ANAPC11: variants seen among roughly 807,000 people sequenced by gnomAD.
The protein encoded by ANAPC11 is anaphase promoting complex subunit 11, also known as anaphase-promoting complex subunit 11.
In ANAPC11, 5 loss-of-function variants were observed where a neutral mutation model predicts 11.8. The ratio of observed to expected loss-of-function variants is 0.42; its 90% CI spans 0.22 to 0.89. The LOEUF (loss-of-function observed/expected upper bound fraction) is 0.89, where lower values mean the gene tolerates loss of function less well. Among genes scored for constraint, ANAPC11 ranks in the 40% least tolerant of loss-of-function variants. ANAPC11 has a pLI of 0.28. For synonymous variants in ANAPC11, 45 were observed against 41.0 expected, an observed-to-expected ratio of 1.10 and a Z score of -0.38; for missense variants, 68 against 112.9, an observed-to-expected ratio of 0.60 and a Z score of 1.80.
intron 2 of ANAPC11, among the ~76,000 whole-genome samples, chr17:81,893,850 G>T (rs1240841607): frequency 6.7e-6 from 1 of 150,296 alleles, no homozygotes; most frequent in African/African-American, 2.5e-5. Context: ...TCCCGAGTTG[G>T]CCTCCCAGAG....
chr17:81,892,155 C>T (rs1312758972), intron 1 of ANAPC11: 3 of 152,874 alleles, frequency 2.0e-5, no homozygotes, highest in Non-Finnish European at 4.4e-5. Context: ...TGCACTGTCA[C>T]ATTTTGCCAG....
Position 81,899,948 on chromosome 17 carries a change from G to C in ANAPC11, c.138G>C (p.Leu46=), listed in dbSNP as rs539064554. 6 of 1,611,148 alleles carry C rather than the reference G, an allele frequency of 3.7e-6. No homozygotes were observed. In the South Asian group the frequency reaches 5.5e-5, roughly 15 times the overall value. ...AGGTGCCCGGCGACGACTGCCCGCT[G>C]GTGTGGGGCCAGTGCTCCCACTGCT... is the stretch of plus-strand genomic sequence containing the variant. ...DCKVPGDDCP[L]VWGQCSHCFH... The change falls in exon 4 of 4, where the codon CTG becomes CTC. Residue 46 remains leucine, a synonymous_variant. Coordinates refer to ENST00000344877, the MANE Select transcript of ANAPC11 (RefSeq NM_001002248.3).
upstream of ANAPC11, chr17:81,891,092 G>A (rs1598292740): frequency 3.0e-6 from 2 of 674,288 alleles, no homozygotes; most frequent in East Asian, 3.1e-5. Flanking sequence ...CCCAACGTCC[G>A]GAACAAACAA....
In ANAPC11 at chr17:81,899,165, G is replaced by C. The variant is rs1049795862; in HGVS notation, c.110-755G>C. 19 of 1,444,590 alleles carry C rather than the reference G, an allele frequency of 1.3e-5. 1 individual carries two copies. The South Asian group carries it at 2.4e-4, about 19-fold the overall frequency. 89.5% of individuals were successfully genotyped at this position (1,444,590 alleles called of 1,614,324 possible). ...CTGTTGGCAGCAGCTGTTCCTCAGGGGTTTCCAGGCTCTTGGAGATCAGGG... is the reference window on the plus strand; with the variant it reads ...CTGTTGGCAGCAGCTGTTCCTCAGGCGTTTCCAGGCTCTTGGAGATCAGGG... On this transcript the variant is annotated intron_variant, in intron 3 of 3. Coordinates refer to ENST00000344877, the MANE Select transcript of ANAPC11 (RefSeq NM_001002248.3).
intron 3 of ANAPC11, chr17:81,898,885 A>G (rs928694511): frequency 6.5e-6 from 2 of 308,560 alleles, no homozygotes; most frequent in African/African-American, 2.1e-5. Context: ...TGACTAAACG[A>G]GGCCTCCCCC....
chr17:81,895,572 A>C (rs950470635), intron 3 of ANAPC11, among the ~76,000 whole-genome samples: 3 of 152,108 alleles, frequency 2.0e-5, no homozygotes, highest in African/African-American at 7.2e-5. Flanking sequence ...GCACTGTGGG[A>C]GGCCGAGGCG....
At position 81,900,158 on chromosome 17, in the gene ANAPC11, C is replaced by G; in HGVS notation, c.*93C>G. 6.4e-7 allele frequency: 1 copy of G among 1,557,084 alleles called. No homozygotes were observed. Among genetic ancestry groups the G allele is most frequent in the South Asian group, 1.2e-5 (1 of 85,570 alleles). On this transcript the variant is annotated 3_prime_UTR_variant, in exon 4 of 4. Transcript: ENST00000344877. ...TGGGGACAGCGCCCCTGAGCTGCAA[C>G]AAGGTGGAAACAAGGGCTGGAGCTG...
intron 3 of ANAPC11, chr17:81,898,933 GC>G (rs936125099): frequency 1.6e-5 from 7 of 430,206 alleles, no homozygotes; most frequent in African/African-American, 1.2e-4. Context: ...TCCTCAGGGG[GC>G]TAGCAGGCTT....
At chr17:81,894,693 A>G in intron 3 of ANAPC11, 107 bp downstream of exon 3, 2 of 532,044 alleles carry the variant, frequency 3.8e-6, no homozygotes, top group Middle Eastern at 3.1e-4. Context: ...AAATACCTGC[A>G]CGAAATACCC....
chr17:81,891,055 G>A, upstream of ANAPC11: 1 of 699,964 alleles, frequency 1.4e-6, no homozygotes, highest in Non-Finnish European at 2.3e-6. Flanking sequence ...GCCGCGCCCA[G>A]CGTCCCCTCC....
At position 81,893,793 on chromosome 17, in the gene ANAPC11, C is replaced by G. The variant is rs1440272467; in HGVS notation, c.-12+179C>G. 8.3e-5 allele frequency among the ~76,000 whole-genome samples: 11 copies of G among 131,764 alleles called. No homozygotes were observed. The East Asian group carries it at 2.5e-3, about 30-fold the overall frequency. The allele number at this position is 131,764 out of a possible 152,430, so 86.4% of individuals were successfully genotyped here. On this transcript the variant is annotated intron_variant, in intron 2 of 3. Transcript: ENST00000344877. ...TTTTTTTTTGGTAGAGACTCAGTCTCACTGTGTTACACAGGCTGGTCTCAA... is the reference window on the plus strand; with the variant it reads ...TTTTTTTTTGGTAGAGACTCAGTCTGACTGTGTTACACAGGCTGGTCTCAA...
At chr17:81,898,511 T>C (rs2039817111) in intron 3 of ANAPC11, 1 of 152,262 alleles carries the variant, frequency 6.6e-6, no homozygotes, top group African/African-American at 2.4e-5. Flanking sequence ...TTTTTGGACC[T>C]GCTGATGGTT....
rs967205113 is a variant in ANAPC11 at position 81,899,299 on chromosome 17, C to T, written c.110-621C>T. ...TTGGGCTGGTGCCCGCAGCCTGTGC[C>T]TGTCCTGGGAGGCAGGGCCCATCCA... On this transcript the variant is annotated intron_variant, in intron 3 of 3. Coordinates refer to ENST00000344877, the MANE Select transcript of ANAPC11 (RefSeq NM_001002248.3). 2.5e-6 allele frequency: 4 copies of T among 1,613,238 alleles called. No individual in the cohort carries two copies. The African/African-American group carries it at 5.3e-5, about 22-fold the overall frequency.
chr17:81,900,322 A>C, downstream of ANAPC11: 9 of 512,900 alleles, frequency 1.8e-5, no homozygotes, highest in Admixed American at 3.8e-5. Flanking sequence ...TGATATGAAA[A>C]CTCTCATGAA....
intron 3 of ANAPC11, chr17:81,899,386 G>A (rs764245237): frequency 6.2e-7 from 1 of 1,613,908 alleles, no homozygotes; most frequent in Non-Finnish European, 8.5e-7. Context: ...CTGATGTCTA[G>A]GGAAGAGTCT....
chr17:81,891,592 C>T, upstream of ANAPC11: 2 of 1,406,930 alleles, frequency 1.4e-6, no homozygotes, highest in Non-Finnish European at 1.9e-6. Flanking sequence ...GGCTCGAGCC[C>T]GCGCGTCAGC....
Position 81,894,475 on chromosome 17 carries a change from G to T in ANAPC11, c.-3G>T, listed in dbSNP as rs759106937. 1.2e-6 allele frequency: 2 copies of T among 1,608,238 alleles called. No individual in the cohort carries two copies. Among genetic ancestry groups the T allele is most frequent in the Non-Finnish European group, 1.7e-6 (2 of 1,175,506 alleles). On this transcript the variant is annotated 5_prime_UTR_variant, in exon 3 of 4. Coordinates refer to ENST00000344877, the MANE Select transcript of ANAPC11 (RefSeq NM_001002248.3). ...TGTTCCCTCCGCCGCAGGCTCTGCTGCCATGAAGGTGAAGATTAAGTGCTG... is the reference window on the plus strand; with the variant it reads ...TGTTCCCTCCGCCGCAGGCTCTGCTTCCATGAAGGTGAAGATTAAGTGCTG...
chr17:81,900,199 C>A lies in ANAPC11; in HGVS notation c.*134C>A. On this transcript the variant is annotated 3_prime_UTR_variant, in exon 4 of 4. Coordinates refer to ENST00000344877, the MANE Select transcript of ANAPC11 (RefSeq NM_001002248.3). The stretch of plus-strand genomic sequence containing the variant: ...GCTGGAGCTGCGTTTGTTTTGCCAT[C>A]ACTATGTTGACACTTTTATCCAATA... 7.3e-7 allele frequency: 1 copy of A among 1,376,584 alleles called. No individual in the cohort carries two copies. The highest frequency in any genetic ancestry group is 9.9e-7 in the Non-Finnish European group (1 of 1,012,304). The allele number at this position is 1,376,584 out of a possible 1,614,324, so 85.3% of individuals were successfully genotyped here.
chr17:81,900,282 T>C, downstream of ANAPC11: 3 of 661,082 alleles, frequency 4.5e-6, no homozygotes, highest in Non-Finnish European at 7.5e-6. Context: ...GCCTGTGTTC[T>C]CGGCATATAG....
Sources: gnomAD v4.1 joint callset for allele counts (sites outside exome capture counted in the v4.1 genomes callset) on GRCh38, gnomAD v4.1.1 for gene constraint, MANE v1.5 for transcripts, NCBI Gene and HGNC (gene_info 2026-07-23, HGNC 2026-07-21) for gene names.